The following QTMAN variants were observed in gnomAD, a reference collection of about 807,000 sequenced individuals.
The protein encoded by QTMAN is tRNA-queuosine alpha-mannosyltransferase.
At chr2:144,124,000 G>A in the QTMAN span, among the ~76,000 whole-genome samples, 1 of 152,042 alleles carries the variant, frequency 6.6e-6, no homozygotes, top group Non-Finnish European at 1.5e-5. Context: ...TTGTTTTCTA[G>A]TCAAATAACT....
At chr2:144,327,164 G>A in the QTMAN span, among the ~76,000 whole-genome samples, 1 of 152,154 alleles carries the variant, frequency 6.6e-6, no homozygotes, top group East Asian at 1.9e-4. Flanking sequence ...AGAGCTTCCA[G>A]GTAACTGAAC....
chr2:144,134,746 A>G, the QTMAN span, among the ~76,000 whole-genome samples: 1 of 152,168 alleles, frequency 6.6e-6, no homozygotes, highest in East Asian at 1.9e-4. Context: ...TTCTGAATCT[A>G]AAGTATATTT....
chr2:144,269,241 C>A, the QTMAN span, among the ~76,000 whole-genome samples: 1 of 151,846 alleles, frequency 6.6e-6, no homozygotes, highest in Non-Finnish European at 1.5e-5. Flanking sequence ...AATATAATCC[C>A]AAAAAATCAT....
chr2:143,961,865 T>G, the QTMAN span, among the ~76,000 whole-genome samples: 1 of 151,710 alleles, frequency 6.6e-6, no homozygotes, highest in African/African-American at 2.4e-5. Context: ...GGAATGAGAG[T>G]GAGTTGTTAC....
At chr2:144,193,882 T>C in the QTMAN span, among the ~76,000 whole-genome samples, 1 of 152,086 alleles carries the variant, frequency 6.6e-6, no homozygotes, top group African/African-American at 2.4e-5. Context: ...ATACCAGAAC[T>C]GAAATAGTTA....
the QTMAN span, among the ~76,000 whole-genome samples, chr2:144,186,216 T>A: frequency 6.6e-6 from 1 of 152,214 alleles, no homozygotes; most frequent in East Asian, 1.9e-4. Flanking sequence ...TTAATCCATC[T>A]ATAGGAAGTC....
At chr2:144,222,949 C>T in the QTMAN span, among the ~76,000 whole-genome samples, 643 of 152,268 alleles carry the variant, frequency 4.2e-3, 2 homozygotes, top group South Asian at 0.011. Flanking sequence ...CTCATAACCA[C>T]TCAGATTTGT....
the QTMAN span, among the ~76,000 whole-genome samples, chr2:144,018,936 C>T: frequency 3.3e-5 from 5 of 152,168 alleles, no homozygotes; most frequent in African/African-American, 4.8e-5. Context: ...ACAAGTTAGC[C>T]AGGTATGGGA....
the QTMAN span, among the ~76,000 whole-genome samples, chr2:144,081,777 C>T: frequency 6.6e-6 from 1 of 152,128 alleles, no homozygotes; most frequent in Non-Finnish European, 1.5e-5. Flanking sequence ...CTGAAAGAAG[C>T]CTGGGTCATT....
the QTMAN span, among the ~76,000 whole-genome samples, chr2:144,243,023 C>T: frequency 1.4e-5 from 2 of 143,864 alleles, no homozygotes; most frequent in Admixed American, 1.4e-4. Context: ...GCATCATAAT[C>T]ATCACCTCAC....
chr2:144,212,281 G>A, the QTMAN span, among the ~76,000 whole-genome samples: 2 of 152,122 alleles, frequency 1.3e-5, no homozygotes, highest in Non-Finnish European at 2.9e-5. Context: ...TGGCCAACAC[G>A]GTGAAAGCCT....
chr2:144,274,940 C>A, the QTMAN span, among the ~76,000 whole-genome samples: 3 of 152,186 alleles, frequency 2.0e-5, no homozygotes, highest in Admixed American at 6.5e-5. Context: ...GCTGTAGAAT[C>A]TGACCCTATC....
chr2:144,061,573 AC>A, the QTMAN span, among the ~76,000 whole-genome samples: 3 of 152,208 alleles, frequency 2.0e-5, no homozygotes, highest in Admixed American at 2.0e-4. Flanking sequence ...TTTATTGAGT[AC>A]TTATGACCTA....
the QTMAN span, among the ~76,000 whole-genome samples, chr2:144,308,340 G>GT: frequency 6.6e-6 from 1 of 151,756 alleles, no homozygotes; most frequent in Admixed American, 6.6e-5. Flanking sequence ...CTAATTTTTT[G>GT]TATTTTTAGT....
At chr2:144,078,307 C>G in the QTMAN span, among the ~76,000 whole-genome samples, 1 of 152,194 alleles carries the variant, frequency 6.6e-6, no homozygotes, top group Non-Finnish European at 1.5e-5. Context: ...GTCCTACACT[C>G]TACTGCACTT....
chr2:144,075,125 T>C, the QTMAN span, among the ~76,000 whole-genome samples: 1 of 152,156 alleles, frequency 6.6e-6, no homozygotes, highest in Non-Finnish European at 1.5e-5. Context: ...ACCTTACTCA[T>C]CTAAGCAGAA....
the QTMAN span, among the ~76,000 whole-genome samples, chr2:144,072,574 C>G: frequency 6.6e-6 from 1 of 152,160 alleles, no homozygotes; most frequent in African/African-American, 2.4e-5. Context: ...CTAAGTCAGG[C>G]AGGGCAGCAA....
the QTMAN span, among the ~76,000 whole-genome samples, chr2:144,060,284 C>G: frequency 2.7e-5 from 4 of 150,772 alleles, no homozygotes; most frequent in Non-Finnish European, 5.9e-5. Context: ...TTTTTGAGAC[C>G]GAGTTTTGCT....
chr2:144,169,259 A>G, the QTMAN span, among the ~76,000 whole-genome samples: 13 of 152,276 alleles, frequency 8.5e-5, no homozygotes, highest in African/African-American at 3.1e-4. Flanking sequence ...GCCATGGTTG[A>G]GAGGCATAGT....
Sources: allele counts gnomAD v4.1 joint callset (sites outside exome capture counted in the v4.1 genomes callset), GRCh38; gene constraint gnomAD v4.1.1; transcripts MANE v1.5; gene names NCBI Gene and HGNC (gene_info 2026-07-23, HGNC 2026-07-21).